Variants in KIF26B observed in about 807,000 individuals in gnomAD.
KIF26B encodes the protein kinesin-like protein KIF26B.
In KIF26B, 63 loss-of-function variants were observed where a neutral mutation model predicts 151.2. That is an observed-to-expected ratio of 0.42 (90% confidence interval 0.34 to 0.51). The LOEUF is 0.51. Among genes scored for constraint, KIF26B ranks in the 20% least tolerant of loss-of-function variants. KIF26B has a pLI of 0.07. For missense variants in KIF26B, 2,813 were observed against 2,913.6 expected, an observed-to-expected ratio of 0.97 and a Z score of 0.79; for synonymous variants, 1,357 against 1,262.1, an observed-to-expected ratio of 1.08 and a Z score of -1.59.
At chr1:245,580,451 A>G (rs976850152) in intron 5 of KIF26B, among the ~76,000 whole-genome samples, 21 of 152,236 alleles carry the variant, frequency 1.4e-4, no homozygotes, top group Non-Finnish European at 1.6e-4. Flanking sequence ...GAAAATGAAA[A>G]GGGCTAATTA....
intron 4 of KIF26B, among the ~76,000 whole-genome samples, chr1:245,534,780 C>A (rs1453405823): frequency 7.1e-6 from 1 of 141,626 alleles, no homozygotes; most frequent in Non-Finnish European, 1.5e-5. Flanking sequence ...AATGTCTTTA[C>A]CTTTTCTTTT....
chr1:245,359,166 G>A (rs12406767), intron 2 of KIF26B, among the ~76,000 whole-genome samples: 96 of 152,036 alleles, frequency 6.3e-4, no homozygotes, highest in Admixed American at 3.8e-3. Flanking sequence ...TTACAGGCAC[G>A]CACCACCACA....
At chr1:245,182,234 T>A (rs1299119548) in intron 2 of KIF26B, among the ~76,000 whole-genome samples, 1 of 152,222 alleles carries the variant, frequency 6.6e-6, no homozygotes, top group East Asian at 1.9e-4. Flanking sequence ...GTCTTCACCC[T>A]ACTCCACTCC....
In KIF26B at chr1:245,646,191, A is replaced by T. The variant is rs1572176582; in HGVS notation, c.2169A>T (p.Arg723=). Residue 723 remains arginine (R), a synonymous_variant, in exon 10 of 15, where the codon CGA becomes CGT. Coordinates refer to ENST00000407071, the MANE Select transcript of KIF26B (RefSeq NM_018012.4). ...GTGTGAAAGCTCTTAGCAAAAATCG[A>T]GAAGGAGGCTCAGGGCTGTGTCTCT... ...GSCVKALSKN[R]EGGSGLCLSL... The T allele has an allele frequency of 6.2e-7, 1 of 1,613,942 alleles. No homozygotes were observed. The highest frequency in any genetic ancestry group is 1.7e-5 in the Admixed American group (1 of 60,016).
intron 4 of KIF26B, among the ~76,000 whole-genome samples, chr1:245,514,060 G>A (rs752937139): frequency 6.6e-6 from 1 of 152,042 alleles, no homozygotes; most frequent in Non-Finnish European, 1.5e-5. Flanking sequence ...AATGCATCGC[G>A]TCCTTGAAAA....
chr1:245,231,140 G>C (rs1339429967), intron 2 of KIF26B, among the ~76,000 whole-genome samples: 1 of 152,102 alleles, frequency 6.6e-6, no homozygotes, highest in African/African-American at 2.4e-5. Flanking sequence ...GAGAAAAAGT[G>C]ATATATAAGC....
intron 2 of KIF26B, among the ~76,000 whole-genome samples, chr1:245,264,769 T>A (rs1475878747): frequency 1.3e-5 from 2 of 150,304 alleles, no homozygotes; most frequent in Non-Finnish European, 3.0e-5. Context: ...GGCGGGCTCC[T>A]GTAGTCCCAG....
intron 3 of KIF26B, among the ~76,000 whole-genome samples, chr1:245,411,613 T>C (rs1674286588): frequency 6.6e-6 from 1 of 152,184 alleles, no homozygotes; most frequent in African/African-American, 2.4e-5. Flanking sequence ...CCTCTGTAGC[T>C]GCTTGTCCTT....
chr1:245,648,852 A>G (rs939086974), intron 10 of KIF26B, among the ~76,000 whole-genome samples: 1 of 152,094 alleles, frequency 6.6e-6, no homozygotes, highest in Non-Finnish European at 1.5e-5. Flanking sequence ...CTGTGTCTCA[A>G]GTAAGCAGAC....
chr1:245,266,012 A>T (rs192706944), intron 2 of KIF26B, among the ~76,000 whole-genome samples: 1 of 152,194 alleles, frequency 6.6e-6, no homozygotes, highest in Non-Finnish European at 1.5e-5. Flanking sequence ...AAAAGACACC[A>T]TAAAGTAAAA....
intron 4 of KIF26B, among the ~76,000 whole-genome samples, chr1:245,521,249 A>G (rs1005055194): frequency 1.3e-5 from 2 of 151,970 alleles, no homozygotes; most frequent in Non-Finnish European, 2.9e-5. Context: ...AGGCAGGAGA[A>G]TGGCGTGAAC....
intron 2 of KIF26B, among the ~76,000 whole-genome samples, chr1:245,172,580 C>T (rs917731321): frequency 7.2e-5 from 11 of 152,184 alleles, no homozygotes; most frequent in Admixed American, 2.0e-4. Flanking sequence ...GAGGCCGAGG[C>T]GGGCAGATCA....
intron 3 of KIF26B, among the ~76,000 whole-genome samples, chr1:245,400,784 C>T (rs1213463048): frequency 1.3e-5 from 2 of 151,968 alleles, no homozygotes; most frequent in Non-Finnish European, 2.9e-5. Flanking sequence ...TCACCTGTTT[C>T]TTTTTAATTT....
chr1:245,336,198 T>C (rs1015082249), intron 2 of KIF26B, among the ~76,000 whole-genome samples: 3 of 152,040 alleles, frequency 2.0e-5, no homozygotes, highest in African/African-American at 4.8e-5. Flanking sequence ...CACGCAGGGA[T>C]TGCTGTTCCA....
chr1:245,444,201 CTAGAGGA>C, intron 4 of KIF26B, among the ~76,000 whole-genome samples: 1 of 116,056 alleles, frequency 8.6e-6, no homozygotes, highest in African/African-American at 3.9e-5. Context: ...CACTGTTCAC[CTAGAGGA>C]GAGGTCATCT....
chr1:245,641,634 A>G (rs2043893530), intron 9 of KIF26B, among the ~76,000 whole-genome samples: 1 of 150,930 alleles, frequency 6.6e-6, no homozygotes, highest in African/African-American at 2.4e-5. Context: ...TGCATTTTTC[A>G]TTTCATTTAT....
chr1:245,240,558 G>GTC (rs1670197293), intron 2 of KIF26B, among the ~76,000 whole-genome samples: 1 of 152,162 alleles, frequency 6.6e-6, no homozygotes, highest in Non-Finnish European at 1.5e-5. Context: ...TCAGACTCTC[G>GTC]TGAGATTATA....
rs2044859807 is a variant in KIF26B at position 245,707,751 on chromosome 1, A to G, written c.*5145A>G. ...TAAGCTGTTTCTGTAGTAAGCAGCC[A>G]AATGGGAAAGATCCCTTCGTTTTGA... On this transcript the variant is annotated 3_prime_UTR_variant, in exon 15 of 15. Coordinates refer to ENST00000407071, the MANE Select transcript of KIF26B (RefSeq NM_018012.4). 6.6e-6 allele frequency: 1 copy of G among 152,248 alleles called. No homozygotes were observed. Among genetic ancestry groups the G allele is most frequent in the South Asian group, 2.1e-4 (1 of 4,826 alleles). The allele number at this position is 152,248 out of a possible 1,614,324, so 9.4% of individuals were successfully genotyped here.
At chr1:245,260,673 C>T (rs1319092770) in intron 2 of KIF26B, among the ~76,000 whole-genome samples, 3 of 152,216 alleles carry the variant, frequency 2.0e-5, no homozygotes, top group Non-Finnish European at 4.4e-5. Flanking sequence ...ACTTCTCACA[C>T]ATCTGTTACC....
Sources: allele counts gnomAD v4.1 joint callset (sites outside exome capture counted in the v4.1 genomes callset), GRCh38; gene constraint gnomAD v4.1.1; transcripts MANE v1.5; gene names NCBI Gene and HGNC (gene_info 2026-07-23, HGNC 2026-07-21).